The following TENM1 variants were observed in gnomAD, a reference collection of about 807,000 sequenced individuals.
TENM1 encodes the protein teneurin transmembrane protein 1.
TENM1 carries 35 observed loss-of-function variants against 174.8 expected under a neutral mutation model. The ratio of observed to expected loss-of-function variants is 0.20; its 90% CI spans 0.15 to 0.27. The LOEUF (loss-of-function observed/expected upper bound fraction) is 0.27. TENM1 is among the 10% of genes least tolerant of loss of function. TENM1 has a pLI of 1.00. For missense variants in TENM1, 1,633 were observed against 2,130.1 expected (o/e 0.77, Z 4.59); for synonymous variants, 781 against 798.7 (o/e 0.98, Z 0.37).
the TENM1 span, among the ~76,000 whole-genome samples, chrX:124,990,685 T>C: frequency 8.9e-6 from 1 of 112,189 alleles, no homozygotes; most frequent in African/African-American, 3.2e-5. Context: ...AAAATGCAAA[T>C]ACGTTATATA....
At chrX:124,823,613 A>G (rs1237436169) in intron 3 of TENM1, among the ~76,000 whole-genome samples, 1 of 111,096 alleles carries the variant, frequency 9.0e-6, no homozygotes, top group African/African-American at 3.3e-5. Context: ...CCAAAAGAGT[A>G]GTATGTGAGT....
At chrX:124,705,993 T>C (rs1406004444) in intron 4 of TENM1, among the ~76,000 whole-genome samples, 2 of 111,536 alleles carry the variant, frequency 1.8e-5, no homozygotes, top group Non-Finnish European at 3.8e-5. Context: ...GCAACCTCCA[T>C]CTCCCGGGTT....
chrX:124,694,883 C>A (rs1307768908), intron 5 of TENM1, among the ~76,000 whole-genome samples: 1 of 111,744 alleles, frequency 8.9e-6, no homozygotes, highest in Non-Finnish European at 1.9e-5. Flanking sequence ...ATTTTTAAGG[C>A]TTGGAAATTC....
chrX:125,051,554 C>T, the TENM1 span, among the ~76,000 whole-genome samples: 1 of 110,142 alleles, frequency 9.1e-6, no homozygotes, highest in African/African-American at 3.3e-5. Context: ...TCTACAACCA[C>T]CTGATCTTTG....
intron 4 of TENM1, among the ~76,000 whole-genome samples, chrX:124,706,192 G>A (rs1206993405): frequency 1.8e-5 from 2 of 112,452 alleles, no homozygotes; most frequent in African/African-American, 6.5e-5. Context: ...GTGAGCCGCT[G>A]TGCCCGGCCA....
intron 11 of TENM1, among the ~76,000 whole-genome samples, chrX:124,602,658 G>A (rs1398635499): frequency 9.1e-6 from 1 of 109,906 alleles, no homozygotes; most frequent in Non-Finnish European, 1.9e-5. Context: ...GAGCCTAAGG[G>A]GAGATTATAG....
At chrX:124,905,096 GGGA>G (rs1193753946) in intron 1 of TENM1, among the ~76,000 whole-genome samples, 1 of 110,707 alleles carries the variant, frequency 9.0e-6, no homozygotes, top group Non-Finnish European at 1.9e-5. Flanking sequence ...AAGCCAAGGT[GGGA>G]GGATTGCTTG....
intron 22 of TENM1, among the ~76,000 whole-genome samples, chrX:124,455,697 G>A (rs182310131): frequency 1.1e-3 from 123 of 111,063 alleles, no homozygotes; most frequent in African/African-American, 3.9e-3. Context: ...TAGGCTCTGT[G>A]AGGGTATAAG....
At chrX:124,477,529 G>A (rs1298598503) in intron 22 of TENM1, among the ~76,000 whole-genome samples, 1 of 111,012 alleles carries the variant, frequency 9.0e-6, no homozygotes, top group Non-Finnish European at 1.9e-5. Flanking sequence ...CGAGGTGGGC[G>A]GATCACGAGG....
At chrX:125,114,526 A>G in the TENM1 span, among the ~76,000 whole-genome samples, 1 of 111,532 alleles carries the variant, frequency 9.0e-6, no homozygotes, top group East Asian at 2.8e-4. Context: ...GAAGAATCAA[A>G]TAGACACAAT....
At chrX:125,114,894 G>T in the TENM1 span, among the ~76,000 whole-genome samples, 1 of 111,593 alleles carries the variant, frequency 9.0e-6, no homozygotes, top group Non-Finnish European at 1.9e-5. Flanking sequence ...ATTTTATGAG[G>T]CCAGCATCAT....
chrX:124,725,635 T>C (rs2053426747), intron 4 of TENM1, among the ~76,000 whole-genome samples: 1 of 112,204 alleles, frequency 8.9e-6, no homozygotes, highest in African/African-American at 3.2e-5. Context: ...TAACCAGATC[T>C]TATCTTTTGC....
At chrX:124,661,168 A>ATATGGAGT (rs1033686660) in intron 6 of TENM1, among the ~76,000 whole-genome samples, 20 of 111,880 alleles carry the variant, frequency 1.8e-4, no homozygotes, top group African/African-American at 6.5e-4. Flanking sequence ...GGAGGTGGGG[A>ATATGGAGT]TATGGAGTGA....
intron 22 of TENM1, among the ~76,000 whole-genome samples, chrX:124,463,525 G>C (rs1190740866): frequency 9.0e-6 from 1 of 111,240 alleles, no homozygotes; most frequent in African/African-American, 3.3e-5. Flanking sequence ...TAAGTCCATG[G>C]AGCATTATGT....
intron 3 of TENM1, among the ~76,000 whole-genome samples, chrX:124,790,107 C>T (rs1410651049): frequency 9.0e-6 from 1 of 111,359 alleles, no homozygotes; most frequent in Non-Finnish European, 1.9e-5. Flanking sequence ...GGGCAACTCC[C>T]CTTTTTAAAA....
chrX:125,060,394 A>G, the TENM1 span, among the ~76,000 whole-genome samples: 38,177 of 109,756 alleles, frequency 0.35, 6,885 homozygotes, highest in African/African-American at 0.7. Flanking sequence ...AATGAAGGTA[A>G]AGTAATCTAA....
chrX:124,671,868 C>G, intron 5 of TENM1, 33 bp from the exon 9 acceptor site: 1 of 1,194,493 alleles, frequency 8.4e-7, no homozygotes, highest in South Asian at 1.8e-5. Flanking sequence ...TTAATTTATT[C>G]CAGACTCACT....
At chrX:124,766,537 T>C (rs1225513978) in intron 3 of TENM1, among the ~76,000 whole-genome samples, 4 of 111,590 alleles carry the variant, frequency 3.6e-5, no homozygotes, top group African/African-American at 1.3e-4. Flanking sequence ...TTAAACTAAT[T>C]AAGTAGTTCA....
At chrX:125,032,429 A>C in the TENM1 span, among the ~76,000 whole-genome samples, 13 of 110,871 alleles carry the variant, frequency 1.2e-4, no homozygotes, top group African/African-American at 3.3e-4. Flanking sequence ...CTCGGCCTCC[A>C]AAAGTGCTGG....
Sources: gnomAD v4.1 joint callset for allele counts (sites outside exome capture counted in the v4.1 genomes callset) on GRCh38, gnomAD v4.1.1 for gene constraint, MANE v1.5 for transcripts, NCBI Gene and HGNC (gene_info 2026-07-23, HGNC 2026-07-21) for gene names.